The following GFRAL variants were observed in gnomAD, a reference collection of about 807,000 sequenced individuals.
GFRAL encodes GDNF family receptor alpha like.
In GFRAL, 36 loss-of-function variants were observed where a neutral mutation model predicts 45.4. The observed-to-expected ratio is 0.79, with a 90% CI of 0.61 to 1.05. GFRAL has a LOEUF of 1.05. Among genes scored for constraint, GFRAL ranks in the 50% least tolerant of loss-of-function variants. The probability of loss-of-function intolerance (pLI) is 0.00; values close to 1 mark genes in which losing one functional copy is unlikely to be tolerated. For synonymous variants in GFRAL, 166 were observed against 154.1 expected (o/e 1.08, Z -0.57); for missense variants, 507 against 467.5 (o/e 1.08, Z -0.78).
intron 5 of GFRAL, among the ~76,000 whole-genome samples, chr6:55,356,065 G>C (rs79657598): frequency 0.012 from 1,855 of 152,010 alleles, 40 homozygotes; most frequent in African/African-American, 0.043. Flanking sequence ...TGTATCACTA[G>C]GATAAATCCC....
At chr6:55,372,754 C>T (rs1345576755) in intron 6 of GFRAL, among the ~76,000 whole-genome samples, 1 of 152,088 alleles carries the variant, frequency 6.6e-6, no homozygotes, top group Non-Finnish European at 1.5e-5. Flanking sequence ...TAGCTTTGTG[C>T]CAGGAGGAAA....
chr6:55,381,053 G>C (rs1351638509), intron 6 of GFRAL, among the ~76,000 whole-genome samples: 1 of 151,930 alleles, frequency 6.6e-6, no homozygotes, highest in African/African-American at 2.4e-5. Flanking sequence ...CTCTCAAAAA[G>C]TTTGAGTAGT....
At chr6:55,397,524 CAAAA>C (rs70986715) in intron 6 of GFRAL, among the ~76,000 whole-genome samples, 1,546 of 67,352 alleles carry the variant, frequency 0.023, 30 homozygotes, top group African/African-American at 0.078. Flanking sequence ...GACTCCGTCT[CAAAA>C]AAAAAAAAAA....
chr6:55,396,326 A>G (rs1478828899), intron 6 of GFRAL, among the ~76,000 whole-genome samples: 3 of 152,044 alleles, frequency 2.0e-5, no homozygotes, highest in African/African-American at 7.2e-5. Flanking sequence ...TTCTTTCTAA[A>G]CTCTGCTAGG....
intron 6 of GFRAL, among the ~76,000 whole-genome samples, chr6:55,383,742 C>A (rs1435639513): frequency 6.6e-6 from 1 of 151,924 alleles, no homozygotes; most frequent in Non-Finnish European, 1.5e-5. Context: ...AATAGACTAA[C>A]CTGATTGACA....
rs961175827 is a variant in GFRAL, at chr6:55,327,660, A to G, written c.22+84A>G. 3.2e-6 allele frequency: 4 copies of G among 1,265,678 alleles called. No individual in the cohort carries two copies. The Admixed American group carries it at 7.7e-5, about 24-fold the overall frequency. 78.4% of individuals were successfully genotyped at this position (1,265,678 alleles called of 1,614,324 possible). On this transcript the variant is annotated intron_variant, in intron 1 of 8. Coordinates refer to ENST00000340465, the MANE Select transcript of GFRAL (RefSeq NM_207410.2). ...CTGAATACCATCACACTTAAGCTTA[A>G]CAGGGGCTTATAATATGAAGTACCA...
intron 6 of GFRAL, among the ~76,000 whole-genome samples, chr6:55,361,631 C>T (rs1355506747): frequency 6.6e-6 from 1 of 151,760 alleles, no homozygotes; most frequent in Non-Finnish European, 1.5e-5. Context: ...GGAAAAATTC[C>T]AAACAAAACC....
rs183171305 is a variant in GFRAL at position 55,352,734 on chromosome 6, C to A, written c.701+1151C>A. Among the ~76,000 whole-genome samples the A allele has an allele frequency of 3.3e-5, 5 of 152,140 alleles. No homozygotes were observed. The East Asian group carries it at 7.8e-4, about 24-fold the overall frequency. On this transcript the variant is annotated intron_variant, in intron 5 of 8. Coordinates refer to ENST00000340465, the MANE Select transcript of GFRAL (RefSeq NM_207410.2). ...ATGCTCTATACAAGTAGGATTTGGACATCCCTAGCACACATGTATGCTATG... is the reference window on the plus strand; with the variant it reads ...ATGCTCTATACAAGTAGGATTTGGAAATCCCTAGCACACATGTATGCTATG...
At chr6:55,396,393 A>G (rs1004996172) in intron 6 of GFRAL, among the ~76,000 whole-genome samples, 2 of 152,152 alleles carry the variant, frequency 1.3e-5, no homozygotes, top group South Asian at 2.1e-4. Context: ...TTTCTTTCAA[A>G]ATAATACTTT....
intron 3 of GFRAL, among the ~76,000 whole-genome samples, chr6:55,339,999 C>T (rs374385437): frequency 7.9e-4 from 120 of 152,200 alleles, no homozygotes; most frequent in African/African-American, 2.6e-3. Flanking sequence ...ACCTTGCACT[C>T]GATGAGAGTT....
At chr6:55,336,283 TCAATGTCTGCAAAGAATCCTGCTGA>T (rs1424137092) in intron 3 of GFRAL, among the ~76,000 whole-genome samples, 5 of 152,218 alleles carry the variant, frequency 3.3e-5, no homozygotes, top group African/African-American at 1.2e-4. Flanking sequence ...AATCAGCTTG[TCAATGTCTGCAAAGAATCCTGCTGA>T]CATTTTGACT....
intron 6 of GFRAL, among the ~76,000 whole-genome samples, chr6:55,391,974 A>T (rs1768760167): frequency 6.6e-6 from 1 of 152,144 alleles, no homozygotes; most frequent in Admixed American, 6.6e-5. Context: ...TTAAGCCTAA[A>T]TTTCTGCTGT....
intron 6 of GFRAL, among the ~76,000 whole-genome samples, chr6:55,379,427 T>C (rs9475274): frequency 0.014 from 2,156 of 152,116 alleles, 48 homozygotes; most frequent in African/African-American, 0.047. Context: ...CTTCTTTTAT[T>C]TGATGCCTTA....
chr6:55,382,983 A>G (rs1768632140), intron 6 of GFRAL, among the ~76,000 whole-genome samples: 1 of 151,986 alleles, frequency 6.6e-6, no homozygotes. Flanking sequence ...AACATGTAAT[A>G]TGGGTAGAAA....
intron 3 of GFRAL, among the ~76,000 whole-genome samples, chr6:55,340,758 G>A (rs983060552): frequency 3.3e-5 from 5 of 152,176 alleles, no homozygotes; most frequent in Admixed American, 2.6e-4. Context: ...AGGGGTCAGG[G>A]AATTCCCTTT....
chr6:55,347,755 C>T (rs1448604817), intron 3 of GFRAL, among the ~76,000 whole-genome samples: 1 of 151,984 alleles, frequency 6.6e-6, no homozygotes. Flanking sequence ...ATCTAGGCTT[C>T]CCAGATATTA....
chr6:55,343,840 G>A (rs928161251), intron 3 of GFRAL, among the ~76,000 whole-genome samples: 1 of 152,066 alleles, frequency 6.6e-6, no homozygotes, highest in Non-Finnish European at 1.5e-5. Flanking sequence ...AAATGATAAA[G>A]GGGATATCAC....
At position 55,401,806 on chromosome 6, in the gene GFRAL, A is replaced by C. The variant is rs755288851; in HGVS notation, c.1138A>C (p.Ser380Arg). 1.3e-6 allele frequency: 2 copies of C among 1,534,888 alleles called. No homozygotes were observed. The highest frequency in any genetic ancestry group is 3.3e-5 in the Admixed American group (2 of 59,868). ...TTTATACAGAACTTCCAGAATATCA[A>C]GTAAAGCAAGAGATCCTTCATCGAT... ...MVKLRTSRIS[S>R]KARDPSSIQI... Residue 380 changes from serine (S) to arginine (R), a missense_variant, in exon 9 of 9, where the codon AGT becomes CGT. Coordinates refer to ENST00000340465, the MANE Select transcript of GFRAL (RefSeq NM_207410.2).
intron 6 of GFRAL, among the ~76,000 whole-genome samples, chr6:55,395,448 G>A (rs1028430327): frequency 3.3e-5 from 5 of 151,708 alleles, no homozygotes; most frequent in Admixed American, 1.3e-4. Flanking sequence ...TAGTGCTTGT[G>A]TAATATAATT....
Sources: gnomAD v4.1 joint callset for allele counts (sites outside exome capture counted in the v4.1 genomes callset) on GRCh38, gnomAD v4.1.1 for gene constraint, MANE v1.5 for transcripts, NCBI Gene and HGNC (gene_info 2026-07-23, HGNC 2026-07-21) for gene names.